Variants in AGBL1 observed in about 807,000 individuals in gnomAD.
AGBL1 encodes the protein cytosolic carboxypeptidase 4.
AGBL1 carries 130 observed loss-of-function variants against 118.9 expected under a neutral mutation model. The ratio of observed to expected loss-of-function variants is 1.09; its 90% confidence interval spans 0.95 to 1.26. AGBL1 has a LOEUF of 1.26. Among genes scored for constraint, AGBL1 ranks in the 50% most tolerant of loss-of-function variants. AGBL1 has a pLI of 0.00. For synonymous variants in AGBL1, 555 were observed against 478.9 expected (o/e 1.16, Z -2.08); for missense variants, 1,584 against 1,298.1 (o/e 1.22, Z -3.38).
intron 16 of AGBL1, among the ~76,000 whole-genome samples, chr15:86,280,370 G>A (rs1001954236): frequency 7.2e-5 from 11 of 152,152 alleles, no homozygotes; most frequent in Admixed American, 2.6e-4. Context: ...TTATGAGGGA[G>A]AGTAGAAGAA....
chr15:86,213,791 C>T (rs936003430), intron 5 of AGBL1, among the ~76,000 whole-genome samples: 1 of 152,056 alleles, frequency 6.6e-6, no homozygotes, highest in Admixed American at 6.6e-5. Flanking sequence ...CGTTTAAAAC[C>T]TTTTAAAGTG....
intron 21 of AGBL1, among the ~76,000 whole-genome samples, chr15:86,605,612 C>T (rs2084564092): frequency 6.6e-6 from 1 of 152,164 alleles, no homozygotes; most frequent in Non-Finnish European, 1.5e-5. Flanking sequence ...CTTAACAACA[C>T]ATGGAAGACA....
intron 22 of AGBL1, among the ~76,000 whole-genome samples, chr15:86,789,913 A>T (rs2078467261): frequency 6.6e-6 from 1 of 152,164 alleles, no homozygotes; most frequent in Non-Finnish European, 1.5e-5. Flanking sequence ...TGGTGATGAA[A>T]ATAGTCACCA....
At chr15:86,879,618 A>G (rs986719634) in intron 22 of AGBL1, among the ~76,000 whole-genome samples, 3 of 152,218 alleles carry the variant, frequency 2.0e-5, no homozygotes, top group African/African-American at 7.2e-5. Context: ...AGGAACTCCC[A>G]AAAACTAATT....
At chr15:86,486,545 A>C (rs1449501425) in intron 18 of AGBL1, among the ~76,000 whole-genome samples, 1 of 152,162 alleles carries the variant, frequency 6.6e-6, no homozygotes, top group African/African-American at 2.4e-5. Context: ...GCACCTGGGC[A>C]CAGTCCATTT....
intron 19 of AGBL1, among the ~76,000 whole-genome samples, chr15:86,526,571 T>TATATATATAC (rs2083267391): frequency 8.4e-6 from 1 of 119,186 alleles, no homozygotes; most frequent in African/African-American, 3.5e-5. Flanking sequence ...TATATATATA[T>TATATATATAC]ATACACACAG....
chr15:86,654,350 A>G (rs2085427561), intron 21 of AGBL1, among the ~76,000 whole-genome samples: 1 of 152,104 alleles, frequency 6.6e-6, no homozygotes, highest in African/African-American at 2.4e-5. Context: ...TGAGTGTAGA[A>G]GCTTCCAATT....
chr15:86,792,867 A>G (rs2078515186), intron 22 of AGBL1, among the ~76,000 whole-genome samples: 1 of 152,160 alleles, frequency 6.6e-6, no homozygotes. Flanking sequence ...CTATATCTCC[A>G]TGATTCCCAG....
chr15:86,167,303 T>G (rs768627803), intron 5 of AGBL1, among the ~76,000 whole-genome samples: 1 of 151,874 alleles, frequency 6.6e-6, no homozygotes, highest in Non-Finnish European at 1.5e-5. Context: ...TGGAGTGCAG[T>G]GGCCTGATCC....
intron 22 of AGBL1, among the ~76,000 whole-genome samples, chr15:86,875,293 T>G (rs2079791541): frequency 6.6e-6 from 1 of 152,240 alleles, no homozygotes; most frequent in African/African-American, 2.4e-5. Flanking sequence ...CAAATGTGTC[T>G]GCTACCTGGG....
chr15:86,220,794 C>A (rs889826474), intron 5 of AGBL1, among the ~76,000 whole-genome samples: 6 of 152,214 alleles, frequency 3.9e-5, no homozygotes, highest in African/African-American at 1.2e-4. Context: ...GGAGGACATT[C>A]TGGCACTTCT....
At chr15:86,624,773 G>A (rs2084858979) in intron 21 of AGBL1, among the ~76,000 whole-genome samples, 1 of 152,136 alleles carries the variant, frequency 6.6e-6, no homozygotes, top group African/African-American at 2.4e-5. Flanking sequence ...CTGCCCCAGG[G>A]ACTCCTCTAC....
intron 5 of AGBL1, among the ~76,000 whole-genome samples, chr15:86,224,394 A>G (rs1378400516): frequency 6.6e-6 from 1 of 152,052 alleles, no homozygotes; most frequent in Non-Finnish European, 1.5e-5. Flanking sequence ...CAACATAACT[A>G]TTTTCCACCC....
intron 17 of AGBL1, among the ~76,000 whole-genome samples, chr15:86,310,587 G>A (rs138305598): frequency 1.4e-3 from 213 of 152,046 alleles, no homozygotes; most frequent in African/African-American, 4.9e-3. Flanking sequence ...GGGCCCCTGG[G>A]GTGGACCTGT....
intron 22 of AGBL1, among the ~76,000 whole-genome samples, chr15:86,802,307 A>G (rs919633383): frequency 5.3e-5 from 8 of 151,298 alleles, no homozygotes; most frequent in Non-Finnish European, 8.8e-5. Context: ...CAGTAATTGC[A>G]TTGTAGTATT....
intron 8 of AGBL1, 81 bp from the exon 9 acceptor site, chr15:86,257,883 C>T: frequency 1.5e-6 from 2 of 1,370,380 alleles, no homozygotes; most frequent in Non-Finnish European, 2.0e-6. Context: ...GAAGAAAGAA[C>T]CACTGTATGG....
At position 86,459,617 on chromosome 15, in the gene AGBL1, G is replaced by A. The variant is rs546282573; in HGVS notation, c.2555+62071G>A. Among the ~76,000 whole-genome samples the A allele has an allele frequency of 1.5e-3, 223 of 152,014 alleles. 6 individuals are homozygous for A. The South Asian group carries it at 0.044, about 30-fold the overall frequency. Reference sequence around the variant, plus strand: ...CTTGATTCTGTTATATGATTTTATTGATCACTCATCATGCCCCAGACACAG... The same window carrying A: ...CTTGATTCTGTTATATGATTTTATTAATCACTCATCATGCCCCAGACACAG... On this transcript the variant is annotated intron_variant, in intron 18 of 22. Transcript: ENST00000614907.
chr15:86,825,696 G>GGAGGGAGGGAGAAAGCGAGA (rs768992327), intron 22 of AGBL1, among the ~76,000 whole-genome samples: 2,813 of 142,298 alleles, frequency 0.02, 63 homozygotes, highest in Non-Finnish European at 0.034. Flanking sequence ...AGAGAGGGAG[G>GGAGGGAGGGAGAAAGCGAGA]GAGGGAGGGA....
intron 22 of AGBL1, among the ~76,000 whole-genome samples, chr15:86,681,402 C>T (rs1441689145): frequency 6.6e-6 from 1 of 152,100 alleles, no homozygotes; most frequent in Non-Finnish European, 1.5e-5. Flanking sequence ...CATTTATCGT[C>T]CCATAGATTC....
Sources: gnomAD v4.1 joint callset for allele counts (sites outside exome capture counted in the v4.1 genomes callset) on GRCh38, gnomAD v4.1.1 for gene constraint, MANE v1.5 for transcripts, NCBI Gene and HGNC (gene_info 2026-07-23, HGNC 2026-07-21) for gene names.